PPHLN1: variants seen among roughly 807,000 people sequenced by gnomAD.
The protein encoded by PPHLN1 is periphilin 1.
A neutral mutation model predicts 51.3 loss-of-function variants in PPHLN1; 29 were observed. The ratio of observed to expected loss-of-function variants is 0.57; its 90% CI spans 0.42 to 0.77. The LOEUF is 0.77. PPHLN1 is among the 30% of genes least tolerant of loss of function. The probability of loss-of-function intolerance (pLI) is 0.00; values close to 1 mark genes in which losing one functional copy is unlikely to be tolerated. For synonymous variants in PPHLN1, 147 were observed against 147.8 expected (o/e 0.99, Z 0.04); for missense variants, 436 against 438.4 (o/e 0.99, Z 0.05).
intron 1 of PPHLN1, chr12:42,329,789 C>G (rs2069411535): frequency 6.6e-6 from 1 of 151,970 alleles, no homozygotes; most frequent in Non-Finnish European, 1.5e-5. Flanking sequence ...GAAGGGTGGC[C>G]TGCCCCTCCA....
rs1490174320 is a variant in PPHLN1 at position 42,398,888 on chromosome 12, C to T, written c.803C>T (p.Pro268Leu). The T allele has an allele frequency of 1.2e-6, 2 of 1,613,942 alleles. No individual in the cohort carries two copies. ...GSTAPLFTDQPEEPESNTTHG... is the reference protein window; with the variant it reads ...GSTAPLFTDQLEEPESNTTHG... ...ACAGCACCATTGTTTACTGACCAGCCAGAGGAACCTGAGTCAAACACAACA... is the reference window on the plus strand; with the variant it reads ...ACAGCACCATTGTTTACTGACCAGCTAGAGGAACCTGAGTCAAACACAACA... The change falls in exon 9 of 10, where the codon CCA (proline) becomes CTA (leucine). Residue 268 changes from proline (P) to leucine (L), a missense_variant. Coordinates refer to ENST00000358314, the MANE Select transcript of PPHLN1 (RefSeq NM_201439.2).
chr12:42,430,003 A>G (rs1476170991), intron 9 of PPHLN1, among the ~76,000 whole-genome samples: 7 of 147,020 alleles, frequency 4.8e-5, no homozygotes, highest in African/African-American at 1.8e-4. Flanking sequence ...TCTTAAAGTG[A>G]TGTGTCTTTT....
intron 1 of PPHLN1, among the ~76,000 whole-genome samples, chr12:42,333,968 T>G (rs1270576891): frequency 1.3e-5 from 2 of 152,226 alleles, no homozygotes; most frequent in African/African-American, 4.8e-5. Context: ...TTTTGTGAAC[T>G]GTTTGCTTAT....
At chr12:42,428,106 CAGT>C in intron 9 of PPHLN1, among the ~76,000 whole-genome samples, 1 of 152,152 alleles carries the variant, frequency 6.6e-6, no homozygotes. Context: ...AATCAAAAAA[CAGT>C]AGATGTTTGG....
chr12:42,404,326 C>T (rs769058129), intron 9 of PPHLN1, among the ~76,000 whole-genome samples: 41 of 152,012 alleles, frequency 2.7e-4, no homozygotes, highest in Non-Finnish European at 4.7e-4. Flanking sequence ...GCCAGGAGTT[C>T]GAGACCAGGC....
At chr12:42,348,303 G>C (rs1376026169) in intron 2 of PPHLN1, among the ~76,000 whole-genome samples, 1 of 53,070 alleles carries the variant, frequency 1.9e-5, no homozygotes, top group Non-Finnish European at 3.5e-5. Context: ...TTTTTTTTTA[G>C]TAGAAACGGG....
chr12:42,441,761 CT>C lies in PPHLN1; in HGVS notation c.*253del. The C allele has an allele frequency of 8.9e-7, 1 of 1,126,410 alleles. No individual in the cohort carries two copies. Among genetic ancestry groups the C allele is most frequent in the South Asian group, 3.5e-5 (1 of 28,970 alleles). The allele number at this position is 1,126,410 out of a possible 1,614,324, so 69.8% of individuals were successfully genotyped here. On this transcript the variant is annotated 3_prime_UTR_variant, in exon 10 of 10. Transcript: ENST00000358314. ...TCTCTAACTCCTGGCCTCAAGTGAT[CT>C]GCCTGCCTCAGCCTCTCAAAGTGTT...
intron 1 of PPHLN1, among the ~76,000 whole-genome samples, 184 bp from the exon 2 acceptor site, chr12:42,335,699 T>TTA (rs1332910274): frequency 1.3e-5 from 2 of 151,462 alleles, no homozygotes; most frequent in Non-Finnish European, 2.9e-5. Flanking sequence ...TTTTTTTTTT[T>TTA]TTTTTTTAAA....
At chr12:42,443,736 A>G (rs1417905912), downstream of PPHLN1, 1 of 152,210 alleles carries the variant, frequency 6.6e-6, no homozygotes, top group Non-Finnish European at 1.5e-5. Context: ...CAAGCTATCA[A>G]TGCTAATTTG....
At chr12:42,333,290 G>A (rs2070070249) in intron 1 of PPHLN1, among the ~76,000 whole-genome samples, 1 of 151,992 alleles carries the variant, frequency 6.6e-6, no homozygotes, top group Admixed American at 6.6e-5. Context: ...GATTGGTTCA[G>A]CAATTTAATT....
chr12:42,403,593 G>T (rs1310357068), intron 9 of PPHLN1, among the ~76,000 whole-genome samples: 1 of 152,054 alleles, frequency 6.6e-6, no homozygotes, highest in African/African-American at 2.4e-5. Flanking sequence ...TCTTTAAGTG[G>T]GAAGCTTGAT....
chr12:42,355,600 A>AG (rs1186141187), intron 4 of PPHLN1: 1 of 161,594 alleles, frequency 6.2e-6, no homozygotes, highest in South Asian at 1.7e-4. Context: ...AAGAAAAAAA[A>AG]ATTAGCTGGG....
rs1329402690 is a variant in PPHLN1 at position 42,394,976 on chromosome 12, G to A, written c.768+1287G>A. ...TAATACTTCATCTCCAATTAACAAG[G>A]CTTTATTAATTTATGAACATTAATA... On this transcript the variant is annotated intron_variant, in intron 8 of 9. Coordinates refer to ENST00000358314, the MANE Select transcript of PPHLN1 (RefSeq NM_201439.2). Among the ~76,000 whole-genome samples the A allele has an allele frequency of 2.0e-5, 3 of 151,964 alleles. No homozygotes were observed. In the East Asian group the frequency reaches 5.8e-4, roughly 29 times the overall value.
intron 7 of PPHLN1, among the ~76,000 whole-genome samples, chr12:42,390,734 G>T (rs995781213): frequency 6.7e-6 from 1 of 148,342 alleles, no homozygotes; most frequent in Non-Finnish European, 1.5e-5. Context: ...TGTGGTCCAA[G>T]ACAATTCTAA....
At chr12:42,408,392 T>A (rs1357843631) in intron 9 of PPHLN1, among the ~76,000 whole-genome samples, 7 of 151,510 alleles carry the variant, frequency 4.6e-5, no homozygotes, top group African/African-American at 1.7e-4. Context: ...TTTTTTTTTT[T>A]AACATTACTT....
intron 9 of PPHLN1, among the ~76,000 whole-genome samples, chr12:42,407,330 A>G (rs530530259): frequency 6.6e-6 from 1 of 152,280 alleles, no homozygotes; most frequent in Middle Eastern, 3.4e-3. Flanking sequence ...TGGTAGATTG[A>G]CTTCTGTGCT....
At chr12:42,390,899 CAAAT>C (rs1198397797) in intron 7 of PPHLN1, among the ~76,000 whole-genome samples, 2 of 148,096 alleles carry the variant, frequency 1.4e-5, no homozygotes, top group Non-Finnish European at 3.0e-5. Flanking sequence ...CTCCTGGTCT[CAAAT>C]GATCCTTCCA....
At chr12:42,431,404 A>G (rs1425242191) in intron 9 of PPHLN1, among the ~76,000 whole-genome samples, 1 of 152,212 alleles carries the variant, frequency 6.6e-6, no homozygotes, top group East Asian at 1.9e-4. Context: ...TGAAAAGAAA[A>G]TAACATTTCT....
At position 42,398,944 on chromosome 12, in the gene PPHLN1, C is replaced by T. The variant is rs1164981642; in HGVS notation, c.859C>T (p.Leu287=). ...HGIELFEDSQ[L]TTRSKAIASK... ...GATAGAATTATTTGAAGATAGTCAG[C>T]TAACCACTCGCTCTAAAGCAATAGC... is the stretch of plus-strand genomic sequence containing the variant. Residue 287 remains leucine (L), a synonymous_variant, in exon 9 of 10, where the codon CTA becomes TTA. Transcript: ENST00000358314. The T allele has an allele frequency of 6.2e-7, 1 of 1,613,942 alleles. No individual in the cohort carries two copies. The highest frequency in any genetic ancestry group is 2.2e-5 in the East Asian group (1 of 44,894).
Sources: gnomAD v4.1 joint callset for allele counts (sites outside exome capture counted in the v4.1 genomes callset) on GRCh38, gnomAD v4.1.1 for gene constraint, MANE v1.5 for transcripts, NCBI Gene and HGNC (gene_info 2026-07-23, HGNC 2026-07-21) for gene names.